The following ATP2C2 variants were observed in gnomAD, a reference collection of about 807,000 sequenced individuals.
ATP2C2 encodes the protein calcium-transporting ATPase type 2C member 2.
In ATP2C2, 171 loss-of-function variants were observed where a neutral mutation model predicts 110.8. The observed-to-expected ratio is 1.54, with a 90% CI of 1.36 to 1.75. The LOEUF is 1.75. Ranked by LOEUF, ATP2C2 falls within the 40% of genes most tolerant of loss-of-function variation. The pLI is 0.00. For synonymous variants in ATP2C2, 804 were observed against 508.4 expected (o/e 1.58, Z -7.82); for missense variants, 1,963 against 1,235.0 (o/e 1.59, Z -8.84).
At chr16:84,452,967 G>C (rs1483235947) in intron 18 of ATP2C2, among the ~76,000 whole-genome samples, 171 bp from the exon 19 acceptor site, 1 of 152,152 alleles carries the variant, frequency 6.6e-6, no homozygotes, top group Non-Finnish European at 1.5e-5. Flanking sequence ...GAGGCGTTTG[G>C]TGTAAGTTAA....
At chr16:84,431,302 C>T (rs1908254828) in intron 11 of ATP2C2, among the ~76,000 whole-genome samples, 1 of 152,028 alleles carries the variant, frequency 6.6e-6, no homozygotes, top group Admixed American at 6.6e-5. Context: ...AGTTCAAGAA[C>T]AGCCTGGCCA....
In ATP2C2 at chr16:84,459,165, CTT is replaced by C. The variant is rs1910991872; in HGVS notation, c.2195_2196del (p.Phe732CysfsTer53). On this transcript the variant is annotated frameshift_variant, in exon 22 of 27. Coordinates refer to ENST00000262429, the MANE Select transcript of ATP2C2 (RefSeq NM_014861.4). LOFTEE classifies it high-confidence loss of function. Reference sequence around the variant, plus strand: ...AGGGTATTTTTTACAACATCAAAAACTTTGTCCGATTCCAGCTGAGCACGTAA... The same window carrying C: ...AGGGTATTTTTTACAACATCAAAAACTGTCCGATTCCAGCTGAGCACGTAA... ...GKGIFYNIKN[F>X]VRFQLSTSIS... 3 of 1,614,190 alleles carry C rather than the reference CTT, an allele frequency of 1.9e-6. No homozygotes were observed. Among genetic ancestry groups the C allele is most frequent in the Middle Eastern group, 1.6e-4 (1 of 6,062 alleles).
At chr16:84,408,857 A>AT (rs145064196) in intron 4 of ATP2C2, among the ~76,000 whole-genome samples, 11,453 of 150,122 alleles carry the variant, frequency 0.076, 702 homozygotes, top group African/African-American at 0.18. Context: ...CTGAGCACTC[A>AT]TTTTTTTTTT....
chr16:84,440,716 G>T (rs1227907459), intron 13 of ATP2C2, 141 bp from the exon 14 acceptor site: 1 of 658,852 alleles, frequency 1.5e-6, no homozygotes, highest in East Asian at 2.7e-5. Context: ...TAATCTTTCA[G>T]AGAACATCTT....
At chr16:84,374,191 C>T (rs572581590) in intron 1 of ATP2C2, among the ~76,000 whole-genome samples, 1 of 151,976 alleles carries the variant, frequency 6.6e-6, no homozygotes, top group East Asian at 1.9e-4. Context: ...CTGCTTGTGA[C>T]GTGACTACAC....
chr16:84,453,170 C>A lies in ATP2C2; in HGVS notation c.1864C>A (p.Gln622Lys). ...CATCGGCCTGTGCAACGGGAAGCTG[C>A]AAGCCATGTCCGGGGAGGAGGTGGA... ...RNIGLCNGKL[Q>K]AMSGEEVDSV... Residue 622 changes from glutamine to lysine, a missense_variant, in exon 19 of 27, where the codon CAA (glutamine) becomes AAA (lysine). Transcript: ENST00000262429. 1 of 1,613,826 alleles carries A rather than the reference C, an allele frequency of 6.2e-7. No homozygotes were observed. Among genetic ancestry groups the A allele is most frequent in the South Asian group, 1.1e-5 (1 of 91,070 alleles).
intron 1 of ATP2C2, among the ~76,000 whole-genome samples, chr16:84,374,506 A>G (rs572693695): frequency 6.6e-6 from 1 of 152,332 alleles, no homozygotes; most frequent in Admixed American, 6.5e-5. Flanking sequence ...GCTCCTGAGA[A>G]TACGTCTGAA....
In ATP2C2 at chr16:84,454,837, C is replaced by T. The variant is rs372528749; in HGVS notation, c.2000C>T (p.Ala667Val). ...KIIKALQESG[A>V]IVAMTGDGVN... Reference sequence around the variant, plus strand: ...CCAAAGGCTCTGCAGGAGTCAGGGGCGATCGTGGCCATGACTGGGGATGGG... The same window carrying T: ...CCAAAGGCTCTGCAGGAGTCAGGGGTGATCGTGGCCATGACTGGGGATGGG... Residue 667 changes from alanine to valine, a missense_variant, in exon 21 of 27, where the codon GCG (alanine) becomes GTG (valine). Ala to Val is a moderately conservative substitution (Grantham distance 64, BLOSUM62 0). Coordinates refer to ENST00000262429, the MANE Select transcript of ATP2C2 (RefSeq NM_014861.4). The T allele has an allele frequency of 9.8e-5, 158 of 1,610,040 alleles. No individual in the cohort carries two copies. Among genetic ancestry groups the T allele is most frequent in the Middle Eastern group, 1.7e-4 (1 of 5,944 alleles).
At chr16:84,438,594 G>C (rs1276844156) in intron 11 of ATP2C2, among the ~76,000 whole-genome samples, 1 of 152,182 alleles carries the variant, frequency 6.6e-6, no homozygotes, top group Non-Finnish European at 1.5e-5. Flanking sequence ...ACCGTACAGG[G>C]AGAGTTGGAG....
rs893021348 is a variant in ATP2C2, at chr16:84,439,485, A to G, written c.1170A>G (p.Thr390=). 6.2e-7 allele frequency: 1 copy of G among 1,614,196 alleles called. No homozygotes were observed. The highest frequency in any genetic ancestry group is 1.1e-5 in the South Asian group (1 of 91,082). ...GGACTCTGACTGCCAATGAAATGAC[A>G]GTGACCCAGCTTGTAACGTCAGATG... The part of the protein sequence containing the change: ...KTGTLTANEM[T]VTQLVTSDGL... The change falls in exon 13 of 27, where the codon ACA becomes ACG. Residue 390 remains threonine, a synonymous_variant. Transcript: ENST00000262429.
At chr16:84,429,008 C>T (rs1441880165) in intron 11 of ATP2C2, among the ~76,000 whole-genome samples, 1 of 152,076 alleles carries the variant, frequency 6.6e-6, no homozygotes, top group Non-Finnish European at 1.5e-5. Flanking sequence ...TACTAATGGC[C>T]CTGCGAAAGG....
rs1904347071 is a variant in ATP2C2 at position 84,386,953 on chromosome 16, G to A, written c.100-11546G>A. On this transcript the variant is annotated intron_variant, in intron 1 of 26. Coordinates refer to ENST00000262429, the MANE Select transcript of ATP2C2 (RefSeq NM_014861.4). Reference sequence around the variant, plus strand: ...GTCCCTAACATTAAAAAATATTCAGGCAGGCCCTTCTGAGTTCTTTTGCAA... The same window carrying A: ...GTCCCTAACATTAAAAAATATTCAGACAGGCCCTTCTGAGTTCTTTTGCAA... Among the ~76,000 whole-genome samples, 3 of 152,138 alleles carry A rather than the reference G, an allele frequency of 2.0e-5. No individual in the cohort carries two copies. The South Asian group carries it at 6.2e-4, about 32-fold the overall frequency.
chr16:84,368,858 A>G (rs1397359764), intron 1 of ATP2C2, 144 bp downstream of exon 1: 5 of 718,988 alleles, frequency 7.0e-6, no homozygotes, highest in Non-Finnish European at 1.1e-5. Flanking sequence ...AGCTGTCCTC[A>G]CAGCAACCGC....
intron 7 of ATP2C2, 99 bp downstream of exon 7, chr16:84,415,690 CACAT>C (rs1305754031): frequency 1.0e-6 from 1 of 953,976 alleles, no homozygotes; most frequent in Admixed American, 2.6e-5. Flanking sequence ...CTCTCATACA[CACAT>C]GCTCAAACAT....
At chr16:84,378,696 G>A (rs1910394170) in intron 1 of ATP2C2, among the ~76,000 whole-genome samples, 1 of 152,226 alleles carries the variant, frequency 6.6e-6, no homozygotes, top group Admixed American at 6.5e-5. Flanking sequence ...GCGCTCAGTG[G>A]TGGGGGCAGG....
rs192290863 is a variant in ATP2C2, at chr16:84,454,821, C to G, written c.1984C>G (p.Leu662Val). The G allele has an allele frequency of 2.5e-6, 4 of 1,598,428 alleles. No individual in the cohort carries two copies. The highest frequency in any genetic ancestry group is 2.3e-5 in the East Asian group (1 of 44,224). ...PKHKLKIIKA[L>V]QESGAIVAMT... The stretch of plus-strand genomic sequence containing the variant: ...TCATTGCCTGCTCTTTCCAAAGGCT[C>G]TGCAGGAGTCAGGGGCGATCGTGGC... Residue 662 changes from leucine (L) to valine (V), a missense_variant, in exon 21 of 27, where the codon CTG (leucine) becomes GTG (valine). Coordinates refer to ENST00000262429, the MANE Select transcript of ATP2C2 (RefSeq NM_014861.4).
chr16:84,417,291 C>T (rs532536407), intron 7 of ATP2C2, among the ~76,000 whole-genome samples: 2 of 152,216 alleles, frequency 1.3e-5, no homozygotes, highest in South Asian at 4.1e-4. Context: ...TCAGAGAACC[C>T]CAGGCCCCAT....
At chr16:84,380,748 T>TG (rs548414580) in intron 1 of ATP2C2, among the ~76,000 whole-genome samples, 117 of 152,338 alleles carry the variant, frequency 7.7e-4, no homozygotes, top group African/African-American at 2.6e-3. Context: ...TTCTGTACAA[T>TG]GGGGTAGTAA....
At chr16:84,424,576 C>CTGTTTTTTTTTTTTTTT (rs1907634859) in intron 10 of ATP2C2, among the ~76,000 whole-genome samples, 1 of 114,870 alleles carries the variant, frequency 8.7e-6, no homozygotes, top group African/African-American at 4.0e-5. Flanking sequence ...CCGCACTGGG[C>CTGTTTTTTTTTTTTTTT]TTTTTTTTTT....
Sources: allele counts gnomAD v4.1 joint callset (sites outside exome capture counted in the v4.1 genomes callset), GRCh38; gene constraint gnomAD v4.1.1; transcripts MANE v1.5; gene names NCBI Gene and HGNC (gene_info 2026-07-23, HGNC 2026-07-21).